The following DPP10 variants were observed in gnomAD, a reference collection of about 807,000 sequenced individuals.
DPP10 encodes the protein inactive dipeptidyl peptidase 10.
DPP10 carries 33 observed loss-of-function variants against 120.9 expected under a neutral mutation model. That is an observed-to-expected ratio of 0.27 (90% confidence interval 0.21 to 0.37). The LOEUF is 0.37. Ranked by LOEUF, DPP10 falls within the 10% of genes least tolerant of loss-of-function variation. DPP10 has a pLI of 1.00. For missense variants in DPP10, 816 were observed against 942.8 expected (o/e 0.87, Z 1.76); for synonymous variants, 337 against 326.1 (o/e 1.03, Z -0.36).
At chr2:115,584,360 A>G (rs1171320255) in intron 5 of DPP10, among the ~76,000 whole-genome samples, 1 of 152,178 alleles carries the variant, frequency 6.6e-6, no homozygotes, top group African/African-American at 2.4e-5. Flanking sequence ...TTTTTGCACA[A>G]TCTGCAAGCA....
chr2:114,718,400 GAAAAAAAAA>G lies in DPP10; in HGVS notation c.60+275579_60+275587del, dbSNP rs71297184. Among the ~76,000 whole-genome samples the G allele has an allele frequency of 1.1e-4, 9 of 81,180 alleles. No homozygotes were observed. The South Asian group carries it at 1.7e-3, about 15-fold the overall frequency. The allele number at this position is 81,180 out of a possible 152,430, so 53.3% of individuals were successfully genotyped here. On this transcript the variant is annotated intron_variant, in intron 1 of 25. Transcript: ENST00000410059. The stretch of plus-strand genomic sequence containing the variant: ...TGGGCGAGAGTGAGAGACTCTGTTT[GAAAAAAAAA>G]AAAAAAAAAAAAAAAATTAGTTCCT...
At chr2:115,548,024 A>T (rs1356403272) in intron 5 of DPP10, among the ~76,000 whole-genome samples, 1 of 152,182 alleles carries the variant, frequency 6.6e-6, no homozygotes, top group African/African-American at 2.4e-5. Context: ...TAAAACCTTG[A>T]TTAGCTAGAA....
At chr2:115,697,161 A>T (rs1046600760) in intron 7 of DPP10, among the ~76,000 whole-genome samples, 3 of 152,176 alleles carry the variant, frequency 2.0e-5, no homozygotes, top group African/African-American at 7.2e-5. Flanking sequence ...TAATGTGGAA[A>T]ATGAGGGTAA....
At chr2:114,992,049 G>A in intron 1 of DPP10, among the ~76,000 whole-genome samples, 1 of 152,120 alleles carries the variant, frequency 6.6e-6, no homozygotes, top group East Asian at 1.9e-4. Flanking sequence ...GAAATATTAT[G>A]GAAGCATCCA....
At chr2:114,737,617 T>C (rs561799609) in intron 1 of DPP10, among the ~76,000 whole-genome samples, 2 of 152,300 alleles carry the variant, frequency 1.3e-5, no homozygotes, top group South Asian at 4.1e-4. Flanking sequence ...GTGCTCTTAT[T>C]TCAAAAGGCT....
At chr2:114,808,283 A>T (rs185368620) in intron 1 of DPP10, among the ~76,000 whole-genome samples, 268 of 152,308 alleles carry the variant, frequency 1.8e-3, no homozygotes, top group Non-Finnish European at 2.4e-3. Context: ...CTTAATAGAT[A>T]TTTGAGTTGC....
At chr2:114,559,838 A>G (rs77700401) in intron 1 of DPP10, among the ~76,000 whole-genome samples, 1,894 of 150,128 alleles carry the variant, frequency 0.013, 35 homozygotes, top group African/African-American at 0.044. Context: ...TAAAGAATAA[A>G]CTTCTTCCAG....
chr2:114,517,484 C>T (rs1684691509), intron 1 of DPP10, among the ~76,000 whole-genome samples: 1 of 148,684 alleles, frequency 6.7e-6, no homozygotes, highest in South Asian at 2.1e-4. Context: ...CACGCCACTG[C>T]ACTCCAGCCT....
intron 1 of DPP10, among the ~76,000 whole-genome samples, chr2:114,724,169 G>GAGTTCACA (rs1701891297): frequency 6.6e-6 from 1 of 152,184 alleles, no homozygotes; most frequent in African/African-American, 2.4e-5. Context: ...GCTTTAAAAT[G>GAGTTCACA]TGACAACAGT....
At chr2:115,016,822 G>A (rs144243045) in intron 1 of DPP10, among the ~76,000 whole-genome samples, 7,314 of 152,112 alleles carry the variant, frequency 0.048, 266 homozygotes, top group East Asian at 0.16. Context: ...GTCCAACAAT[G>A]ATAGACTGGA....
intron 1 of DPP10, among the ~76,000 whole-genome samples, chr2:114,617,064 C>T (rs147038842): frequency 2.0e-4 from 31 of 152,156 alleles, no homozygotes; most frequent in Non-Finnish European, 3.8e-4. Flanking sequence ...ATCAAGCACA[C>T]GTTCTATAAG....
intron 7 of DPP10, among the ~76,000 whole-genome samples, chr2:115,698,273 T>G (rs1351495674): frequency 6.6e-6 from 1 of 152,124 alleles, no homozygotes; most frequent in East Asian, 1.9e-4. Context: ...ACCAGTGAGT[T>G]AAAAAATTAC....
chr2:115,123,643 C>A (rs529964689), intron 1 of DPP10, among the ~76,000 whole-genome samples: 1 of 152,144 alleles, frequency 6.6e-6, no homozygotes, highest in Admixed American at 6.5e-5. Context: ...GCTAGGAGAC[C>A]GTCTTTTCCT....
At chr2:114,881,595 T>C (rs1691641565) in intron 1 of DPP10, among the ~76,000 whole-genome samples, 1 of 138,572 alleles carries the variant, frequency 7.2e-6, no homozygotes, top group African/African-American at 2.7e-5. Flanking sequence ...TGTCTGTCTG[T>C]CTGTCTATCT....
chr2:114,642,469 A>T lies in DPP10; in HGVS notation c.60+199631A>T, dbSNP rs1029228425. ...AATTAAACAAAAACTAAGCAGAATT[A>T]TATTTTCTTACACATACTTCATACA... On this transcript the variant is annotated intron_variant, in intron 1 of 25. Transcript: ENST00000410059. Among the ~76,000 whole-genome samples the T allele has an allele frequency of 9.2e-5, 14 of 151,956 alleles. 1 individual carries two copies. Among genetic ancestry groups the T allele is most frequent in the Admixed American group, 7.9e-4 (12 of 15,282 alleles).
At chr2:114,837,132 A>G (rs1254099642) in intron 1 of DPP10, among the ~76,000 whole-genome samples, 2 of 152,202 alleles carry the variant, frequency 1.3e-5, no homozygotes, top group Admixed American at 1.3e-4. Flanking sequence ...TTAAGAGATT[A>G]AAGTAAAGAC....
chr2:115,727,397 T>G (rs1026327544), intron 7 of DPP10, among the ~76,000 whole-genome samples: 27 of 152,238 alleles, frequency 1.8e-4, no homozygotes, highest in African/African-American at 6.5e-4. Context: ...AAATGCATTT[T>G]TGTAAAAGTA....
rs1692429710 is a variant in DPP10, at chr2:114,602,202, G to A, written c.60+159364G>A. ...AATTTTCCAAAAGAAAAAAATGATG[G>A]TACAGGTTCAGTACACCTAATGTAA... On this transcript the variant is annotated intron_variant, in intron 1 of 25. Coordinates refer to ENST00000410059, the MANE Select transcript of DPP10 (RefSeq NM_020868.6). Among the ~76,000 whole-genome samples, 7 of 151,702 alleles carry A rather than the reference G, an allele frequency of 4.6e-5. No individual in the cohort carries two copies. In the South Asian group the frequency reaches 6.2e-4, roughly 14 times the overall value.
At chr2:115,772,055 C>A (rs931904459) in intron 13 of DPP10, among the ~76,000 whole-genome samples, 3 of 150,836 alleles carry the variant, frequency 2.0e-5, no homozygotes, top group Non-Finnish European at 4.4e-5. Context: ...CCAAAGGATA[C>A]AAATAAAAAG....
Sources: gnomAD v4.1 joint callset for allele counts (sites outside exome capture counted in the v4.1 genomes callset) on GRCh38, gnomAD v4.1.1 for gene constraint, MANE v1.5 for transcripts, NCBI Gene and HGNC (gene_info 2026-07-23, HGNC 2026-07-21) for gene names.